NIPA2: variants seen among roughly 807,000 people sequenced by gnomAD.
NIPA2 encodes the protein magnesium transporter NIPA2.
A neutral mutation model predicts 29.7 loss-of-function variants in NIPA2; 11 were observed. The observed-to-expected ratio is 0.37, with a 90% CI of 0.23 to 0.61. The LOEUF (loss-of-function observed/expected upper bound fraction) is 0.61. Among genes scored for constraint, NIPA2 ranks in the 20% least tolerant of loss-of-function variants. The probability of loss-of-function intolerance (pLI) is 0.66; values close to 1 mark genes in which losing one functional copy is unlikely to be tolerated. For synonymous variants in NIPA2, 183 were observed against 161.9 expected, an observed-to-expected ratio of 1.13 and a Z score of -0.99; for missense variants, 426 against 437.9, an observed-to-expected ratio of 0.97 and a Z score of 0.24.
rs562178070 is a variant in NIPA2, at chr15:22,857,942, G to A, written c.197-598G>A. On this transcript the variant is annotated intron_variant, in intron 5 of 7. Coordinates refer to ENST00000337451, the MANE Select transcript of NIPA2 (RefSeq NM_030922.7). ...CAGTGATTTTTATTTACTGTCCTGG[G>A]ATATAAGTATCTATTTAAAATTTTT... 5.9e-5 allele frequency among the ~76,000 whole-genome samples: 9 copies of A among 151,914 alleles called. No individual in the cohort carries two copies. The South Asian group carries it at 1.9e-3, about 32-fold the overall frequency.
chr15:22,848,923 A>C (rs1375182404), intron 3 of NIPA2, among the ~76,000 whole-genome samples: 1 of 151,438 alleles, frequency 6.6e-6, no homozygotes, highest in African/African-American at 2.4e-5. Flanking sequence ...CCAGATAGCT[A>C]TGTGCATAGG....
At chr15:22,845,660 A>G (rs1446633547) in intron 3 of NIPA2, among the ~76,000 whole-genome samples, 1 of 151,984 alleles carries the variant, frequency 6.6e-6, no homozygotes, top group African/African-American at 2.4e-5. Context: ...CCTGGCCTTG[A>G]GTGGAGAGCA....
rs773096994 is a variant in NIPA2, at chr15:22,866,619, C to T, written c.855C>T (p.Gly285=). The T allele has an allele frequency of 3.1e-6, 5 of 1,614,068 alleles. No homozygotes were observed. Among genetic ancestry groups the T allele is most frequent in the Admixed American group, 1.7e-5 (1 of 60,018 alleles). ...ACGATGTCATTGGTACTTTGAGTGG[C>T]TTCTTTACAATCATTGTGGGGATAT... ...PVDDVIGTLS[G]FFTIIVGIFL... Residue 285 remains glycine, a synonymous_variant, in exon 8 of 8, where the codon GGC becomes GGT. Coordinates refer to ENST00000337451, the MANE Select transcript of NIPA2 (RefSeq NM_030922.7).
chr15:22,841,416 A>G (rs1897045377), intron 2 of NIPA2, among the ~76,000 whole-genome samples: 1 of 152,226 alleles, frequency 6.6e-6, no homozygotes, highest in Non-Finnish European at 1.5e-5. Flanking sequence ...GATGAAAATA[A>G]ATTATGATCT....
intron 5 of NIPA2, 23 bp downstream of exon 5, chr15:22,853,291 GA>G: frequency 4.0e-6 from 6 of 1,487,932 alleles, no homozygotes; most frequent in Non-Finnish European, 5.6e-6. Flanking sequence ...AACATTGCAA[GA>G]AAAATATGAT....
Position 22,866,910 on chromosome 15 carries a change from G to GTGTC in NIPA2, c.*66_*69dup, listed in dbSNP as rs2059131833. On this transcript the variant is annotated 3_prime_UTR_variant, in exon 8 of 8. Coordinates refer to ENST00000337451, the MANE Select transcript of NIPA2 (RefSeq NM_030922.7). ...AAGTGAATTTGAATATCATCAGAAT[G>GTGTC]TGTCTGAAAAAACATTGTCCTCAAA... 3.5e-6 allele frequency: 5 copies of GTGTC among 1,416,726 alleles called. No individual in the cohort carries two copies. The East Asian group carries it at 1.1e-4, about 33-fold the overall frequency. The allele number at this position is 1,416,726 out of a possible 1,614,324, so 87.8% of individuals were successfully genotyped here. A position where few individuals can be genotyped will look rare whatever the true frequency, so the allele number is the denominator to read the frequency against.
intron 6 of NIPA2, 64 bp downstream of exon 6, chr15:22,858,694 C>A: frequency 1.0e-6 from 1 of 967,028 alleles, no homozygotes; most frequent in South Asian, 1.8e-5. Flanking sequence ...TATTCAGTAC[C>A]ATCTAATTAA....
At chr15:22,846,236 G>C (rs1316167506) in intron 3 of NIPA2, among the ~76,000 whole-genome samples, 1 of 152,154 alleles carries the variant, frequency 6.6e-6, no homozygotes, top group Non-Finnish European at 1.5e-5. Flanking sequence ...TCCTTGGGCT[G>C]GCAGGGCAGT....
chr15:22,858,399 A>C (rs1185912561), intron 5 of NIPA2, 141 bp from the exon 6 acceptor site: 3 of 496,862 alleles, frequency 6.0e-6, no homozygotes, highest in Non-Finnish European at 1.1e-5. Context: ...GTCTCAAAAA[A>C]ATAAAAATAA....
chr15:22,867,238 T>A lies in NIPA2; in HGVS notation c.*391T>A, dbSNP rs913791824. The A allele has an allele frequency of 3.2e-5, 13 of 403,946 alleles. No homozygotes were observed. The highest frequency in any genetic ancestry group is 2.4e-4 in the South Asian group (2 of 8,360). 25.0% of individuals were successfully genotyped at this position (403,946 alleles called of 1,614,324 possible). A position where few individuals can be genotyped will look rare whatever the true frequency, so the allele number is the denominator to read the frequency against. ...CTGACCATGTAAGGCTTTTTTATTT[T>A]AAAAAAACAGAGTTATCCCAATACA... On this transcript the variant is annotated 3_prime_UTR_variant, in exon 8 of 8. Coordinates refer to ENST00000337451, the MANE Select transcript of NIPA2 (RefSeq NM_030922.7).
chr15:22,853,353 A>C (rs1038613139), intron 5 of NIPA2, 85 bp downstream of exon 5: 1 of 790,126 alleles, frequency 1.3e-6, no homozygotes, highest in Non-Finnish European at 2.1e-6. Context: ...ATTACTAGCA[A>C]GTTTTAAAGG....
chr15:22,857,258 C>T lies in NIPA2; in HGVS notation c.197-1282C>T, dbSNP rs549424076. 1.8e-4 allele frequency among the ~76,000 whole-genome samples: 28 copies of T among 151,578 alleles called. 1 individual carries two copies. In the South Asian group the frequency reaches 2.9e-3, roughly 16 times the overall value. On this transcript the variant is annotated intron_variant, in intron 5 of 7. Transcript: ENST00000337451. ...CCAGCCTGACCAACATGGTGAAACCCTGTCTCTACTAAAAATACAAAAATC... is the reference window on the plus strand; with the variant it reads ...CCAGCCTGACCAACATGGTGAAACCTTGTCTCTACTAAAAATACAAAAATC...
chr15:22,851,551 G>T, intron 3 of NIPA2, 88 bp from the exon 4 acceptor site: 1 of 391,674 alleles, frequency 2.6e-6, no homozygotes, highest in South Asian at 8.6e-5. Context: ...TTTTTCTTTA[G>T]GGGAAGAGAA....
intron 6 of NIPA2, 24 bp from the exon 7 acceptor site, chr15:22,860,604 CA>C: frequency 6.7e-7 from 1 of 1,485,214 alleles, no homozygotes; most frequent in Non-Finnish European, 9.0e-7. Context: ...TTAAAGTTCT[CA>C]ATTTTTTTTC....
intron 7 of NIPA2, among the ~76,000 whole-genome samples, chr15:22,865,176 GTGTATT>G (rs1053677689): frequency 6.7e-6 from 1 of 149,140 alleles, no homozygotes; most frequent in African/African-American, 2.5e-5. Flanking sequence ...TCTTAATTTT[GTGTATT>G]TGTGTCTTTA....
chr15:22,848,211 TCTCA>T (rs1458310492), intron 3 of NIPA2, among the ~76,000 whole-genome samples: 3 of 152,102 alleles, frequency 2.0e-5, no homozygotes, highest in African/African-American at 7.2e-5. Context: ...TAGCTCGGTT[TCTCA>T]CTCCCATTTT....
In NIPA2 at chr15:22,851,650, G is replaced by T; in HGVS notation, c.-82G>T. On this transcript the variant is annotated 5_prime_UTR_variant, in exon 4 of 8. Transcript: ENST00000337451. Reference sequence around the variant, plus strand: ...TTTTTATTGTTTAGGTTTGAAGACTGCTTCATTCTGCCTCTAGTACCAGCG... The same window carrying T: ...TTTTTATTGTTTAGGTTTGAAGACTTCTTCATTCTGCCTCTAGTACCAGCG... 2 of 1,176,688 alleles carry T rather than the reference G, an allele frequency of 1.7e-6. No individual in the cohort carries two copies. The highest frequency in any genetic ancestry group is 3.1e-5 in the South Asian group (2 of 64,636). 72.9% of individuals were successfully genotyped at this position (1,176,688 alleles called of 1,614,324 possible). A position where few individuals can be genotyped will look rare whatever the true frequency, so the allele number is the denominator to read the frequency against.
intron 5 of NIPA2, among the ~76,000 whole-genome samples, chr15:22,857,057 C>T (rs868656410): frequency 6.6e-6 from 1 of 152,046 alleles, no homozygotes; most frequent in African/African-American, 2.4e-5. Context: ...GCACTTTATT[C>T]TTTTCCCTCA....
intron 2 of NIPA2, among the ~76,000 whole-genome samples, chr15:22,842,011 A>G (rs566948298): frequency 1.3e-5 from 2 of 152,272 alleles, no homozygotes; most frequent in East Asian, 3.9e-4. Context: ...TGGTCATTAG[A>G]ATCCCCCAAC....
Sources: allele counts gnomAD v4.1 joint callset (sites outside exome capture counted in the v4.1 genomes callset), GRCh38; gene constraint gnomAD v4.1.1; transcripts MANE v1.5; gene names NCBI Gene and HGNC (gene_info 2026-07-23, HGNC 2026-07-21).